Variants in SLC24A2 observed in about 807,000 individuals in gnomAD.
SLC24A2 encodes sodium/potassium/calcium exchanger 2.
In SLC24A2, 36 loss-of-function variants were observed where a neutral mutation model predicts 62.0. The ratio of observed to expected loss-of-function variants is 0.58; its 90% CI spans 0.44 to 0.77. The LOEUF is 0.77. Among genes scored for constraint, SLC24A2 ranks in the 30% least tolerant of loss-of-function variants. SLC24A2 has a pLI of 0.00. For missense variants in SLC24A2, 846 were observed against 817.9 expected, an observed-to-expected ratio of 1.03 and a Z score of -0.42; for synonymous variants, 358 against 294.0, an observed-to-expected ratio of 1.22 and a Z score of -2.23.
At chr9:20,110,175 C>A in the SLC24A2 span, among the ~76,000 whole-genome samples, 1 of 152,046 alleles carries the variant, frequency 6.6e-6, no homozygotes, top group Non-Finnish European at 1.5e-5. Flanking sequence ...TAAAAATGAG[C>A]CCTCTGGATA....
intron 7 of SLC24A2, among the ~76,000 whole-genome samples, chr9:19,562,876 A>AGAAG (rs1221724786): frequency 6.6e-6 from 1 of 152,162 alleles, no homozygotes; most frequent in African/African-American, 2.4e-5. Flanking sequence ...AGCTCTGGGT[A>AGAAG]GAAGGATCGC....
At chr9:19,728,063 G>C (rs1201998797) in intron 2 of SLC24A2, among the ~76,000 whole-genome samples, 1 of 152,124 alleles carries the variant, frequency 6.6e-6, no homozygotes, top group Non-Finnish European at 1.5e-5. Flanking sequence ...GTGGGGACTG[G>C]GAGTGGGATT....
rs539258375 is a variant in SLC24A2 at position 19,647,051 on chromosome 9, C to T, written c.931-24752G>A. Among the ~76,000 whole-genome samples the T allele has an allele frequency of 5.9e-4, 31 of 52,856 alleles. No homozygotes were observed. In the East Asian group the frequency reaches 0.032, roughly 54 times the overall value. The allele number at this position is 52,856 out of a possible 152,430, so 34.7% of individuals were successfully genotyped here. A position where few individuals can be genotyped will look rare whatever the true frequency, so the allele number is the denominator to read the frequency against. ...AATTTCCTTTCTCTCTCTCTTTCCA[C>T]ACACACACACACGCGCGCACACACA... On this transcript the variant is annotated intron_variant, in intron 2 of 10. Transcript: ENST00000341998.
At chr9:19,709,787 T>C (rs2118587934) in intron 2 of SLC24A2, among the ~76,000 whole-genome samples, 1 of 146,700 alleles carries the variant, frequency 6.8e-6, no homozygotes, top group African/African-American at 2.5e-5. Flanking sequence ...CATTAGGAGA[T>C]ATACCTAATG....
chr9:20,214,502 C>CTA, the SLC24A2 span, among the ~76,000 whole-genome samples: 1 of 152,026 alleles, frequency 6.6e-6, no homozygotes, highest in Non-Finnish European at 1.5e-5. Context: ...GTAGTCCCAG[C>CTA]TACTCGGGAG....
the SLC24A2 span, among the ~76,000 whole-genome samples, chr9:20,189,994 A>G: frequency 2.0e-5 from 3 of 152,286 alleles, no homozygotes; most frequent in East Asian, 5.8e-4. Context: ...TGATCCAAGC[A>G]TCCAGGAGGA....
At chr9:19,802,216 T>C in the SLC24A2 span, among the ~76,000 whole-genome samples, 126,275 of 151,874 alleles carry the variant, frequency 0.83, 53,365 homozygotes, top group Non-Finnish European at 0.92. Flanking sequence ...ACAATGCAGA[T>C]ACGTTGTGTA....
At chr9:19,666,331 G>C (rs978889633) in intron 2 of SLC24A2, among the ~76,000 whole-genome samples, 1 of 152,128 alleles carries the variant, frequency 6.6e-6, no homozygotes, top group Non-Finnish European at 1.5e-5. Flanking sequence ...ACCTGAGCCT[G>C]GGAGGTTGAG....
At chr9:19,878,789 C>T in the SLC24A2 span, among the ~76,000 whole-genome samples, 1 of 152,132 alleles carries the variant, frequency 6.6e-6, no homozygotes, top group African/African-American at 2.4e-5. Flanking sequence ...AACTGGAAGT[C>T]AATTACATCT....
the SLC24A2 span, among the ~76,000 whole-genome samples, chr9:19,975,916 G>GTTTGTTTGTTTT: frequency 6.6e-6 from 1 of 151,964 alleles, no homozygotes; most frequent in African/African-American, 2.4e-5. Flanking sequence ...TTGTTTGTTT[G>GTTTGTTTGTTTT]TTTTTTTGAG....
intron 7 of SLC24A2, among the ~76,000 whole-genome samples, chr9:19,555,022 G>A (rs1374324028): frequency 1.3e-5 from 2 of 152,120 alleles, no homozygotes; most frequent in African/African-American, 4.8e-5. Flanking sequence ...AGGTCAGGGG[G>A]CCACATGTTA....
chr9:19,579,057 C>G (rs974914275), intron 5 of SLC24A2, among the ~76,000 whole-genome samples: 3 of 152,164 alleles, frequency 2.0e-5, no homozygotes, highest in African/African-American at 4.8e-5. Context: ...ATAGGCACGA[C>G]TCCATCCATG....
At chr9:20,221,238 T>C in the SLC24A2 span, among the ~76,000 whole-genome samples, 2 of 152,016 alleles carry the variant, frequency 1.3e-5, no homozygotes, top group African/African-American at 4.8e-5. Flanking sequence ...TTGTAAACAC[T>C]AATAATAGAC....
the SLC24A2 span, among the ~76,000 whole-genome samples, chr9:19,892,190 T>G: frequency 1.3e-5 from 2 of 152,194 alleles, no homozygotes; most frequent in Non-Finnish European, 2.9e-5. Flanking sequence ...AAGAGCTGCC[T>G]CTTTCTCATA....
chr9:20,192,370 T>G, the SLC24A2 span, among the ~76,000 whole-genome samples: 3 of 149,796 alleles, frequency 2.0e-5, no homozygotes, highest in African/African-American at 7.6e-5. Flanking sequence ...TGTTTTAAAT[T>G]GGGAAGATAT....
At chr9:20,132,509 T>C in the SLC24A2 span, among the ~76,000 whole-genome samples, 1 of 152,100 alleles carries the variant, frequency 6.6e-6, no homozygotes, top group African/African-American at 2.4e-5. Flanking sequence ...ACTACATGGG[T>C]CACATTATAA....
chr9:20,030,118 T>C, the SLC24A2 span, among the ~76,000 whole-genome samples: 93 of 152,290 alleles, frequency 6.1e-4, 3 homozygotes, highest in South Asian at 0.015. Flanking sequence ...TGCAAAGGCA[T>C]ACAGCACCAC....
At chr9:19,962,989 G>A in the SLC24A2 span, among the ~76,000 whole-genome samples, 1 of 152,178 alleles carries the variant, frequency 6.6e-6, no homozygotes, top group African/African-American at 2.4e-5. Context: ...GATATTGGCT[G>A]TGGGTTTTTC....
At chr9:19,806,732 AG>A in the SLC24A2 span, among the ~76,000 whole-genome samples, 2 of 152,176 alleles carry the variant, frequency 1.3e-5, no homozygotes, top group Non-Finnish European at 2.9e-5. Flanking sequence ...AATGAGAAAG[AG>A]AGTTAATCCA....
Sources: gnomAD v4.1 joint callset for allele counts (sites outside exome capture counted in the v4.1 genomes callset) on GRCh38, gnomAD v4.1.1 for gene constraint, MANE v1.5 for transcripts, NCBI Gene and HGNC (gene_info 2026-07-23, HGNC 2026-07-21) for gene names.